SNTG2: variants seen among roughly 807,000 people sequenced by gnomAD.
SNTG2 encodes syntrophin gamma 2, also known as gamma-2-syntrophin.
A neutral mutation model predicts 70.9 loss-of-function variants in SNTG2; 74 were observed. That is an observed-to-expected ratio of 1.04 (90% CI 0.86 to 1.27). The LOEUF is 1.27. Among genes scored for constraint, SNTG2 ranks in the 50% most tolerant of loss-of-function variants. The probability of loss-of-function intolerance (pLI) is 0.00; values close to 1 mark genes in which losing one functional copy is unlikely to be tolerated. For synonymous variants in SNTG2, 278 were observed against 273.8 expected, an observed-to-expected ratio of 1.02 and a Z score of -0.15; for missense variants, 717 against 690.7, an observed-to-expected ratio of 1.04 and a Z score of -0.43.
chr2:1,127,468 TTTTC>T (rs1254890370), intron 4 of SNTG2, among the ~76,000 whole-genome samples: 1 of 152,176 alleles, frequency 6.6e-6, no homozygotes, highest in Non-Finnish European at 1.5e-5. Context: ...AATTTTACAA[TTTTC>T]TTTTTTATTT....
chr2:1,078,357 G>A (rs957752487), intron 1 of SNTG2, among the ~76,000 whole-genome samples: 2 of 152,184 alleles, frequency 1.3e-5, no homozygotes, highest in Admixed American at 1.3e-4. Context: ...GCGGAGTTCC[G>A]ATTTTAACTG....
intron 16 of SNTG2, among the ~76,000 whole-genome samples, chr2:1,361,309 A>G (rs1265378393): frequency 2.2e-4 from 33 of 151,984 alleles, no homozygotes; most frequent in Admixed American, 2.2e-3. Flanking sequence ...CGAAATTCTC[A>G]TGGAATTTAA....
intron 1 of SNTG2, among the ~76,000 whole-genome samples, chr2:963,809 G>A (rs1165527433): frequency 2.6e-5 from 4 of 152,124 alleles, no homozygotes; most frequent in South Asian, 4.1e-4. Flanking sequence ...ATCTCCACTC[G>A]GTACTAAGTA....
chr2:1,152,841 A>G (rs2147812223), intron 6 of SNTG2, among the ~76,000 whole-genome samples: 1 of 152,320 alleles, frequency 6.6e-6, no homozygotes, highest in East Asian at 1.9e-4. Flanking sequence ...TGCCTTCACA[A>G]GGCCAGGCAT....
At chr2:1,364,675 G>A (rs1385898971) in intron 16 of SNTG2, among the ~76,000 whole-genome samples, 4 of 149,226 alleles carry the variant, frequency 2.7e-5, no homozygotes, top group African/African-American at 9.9e-5. Flanking sequence ...GGCGGATCAC[G>A]AGGTCAGGAG....
intron 11 of SNTG2, among the ~76,000 whole-genome samples, chr2:1,245,045 C>T (rs1161884573): frequency 6.8e-6 from 1 of 146,266 alleles, no homozygotes; most frequent in Non-Finnish European, 1.5e-5. Context: ...ACCGCATGTT[C>T]TCACTCATAG....
chr2:962,548 C>A (rs1660386786), intron 1 of SNTG2, among the ~76,000 whole-genome samples: 1 of 152,118 alleles, frequency 6.6e-6, no homozygotes, highest in African/African-American at 2.4e-5. Flanking sequence ...CTCTGCAATG[C>A]AGAAAAATAA....
chr2:1,361,837 G>C (rs10200213), intron 16 of SNTG2, among the ~76,000 whole-genome samples: 3,224 of 50,468 alleles, frequency 0.064, no homozygotes, highest in East Asian at 0.13. Flanking sequence ...TGAAAGTCAC[G>C]GATGCTGAGC....
intron 1 of SNTG2, among the ~76,000 whole-genome samples, chr2:956,629 T>C (rs1347194158): frequency 5.9e-5 from 9 of 152,202 alleles, no homozygotes; most frequent in Admixed American, 5.9e-4. Flanking sequence ...GTCGGGCGTC[T>C]AGGAGGGAAG....
At position 1,006,283 on chromosome 2, in the gene SNTG2, C is replaced by A. The variant is rs529824971; in HGVS notation, c.72+55215C>A. On this transcript the variant is annotated intron_variant, in intron 1 of 16. Transcript: ENST00000308624. ...ATATGTAACTAACCTGCACAATGTG[C>A]ACATGTACCTTAAAACTTAAGGTAT... Among the ~76,000 whole-genome samples, 3 of 150,432 alleles carry A rather than the reference C, an allele frequency of 2.0e-5. No individual in the cohort carries two copies. In the South Asian group the frequency reaches 6.4e-4, roughly 32 times the overall value.
chr2:1,197,945 A>G (rs1673030578), intron 8 of SNTG2, among the ~76,000 whole-genome samples: 1 of 101,016 alleles, frequency 9.9e-6, no homozygotes, highest in Non-Finnish European at 1.8e-5. Flanking sequence ...TAGACAGATT[A>G]TCTAAAAGAA....
At chr2:1,264,996 AG>A (rs1359596213) in intron 13 of SNTG2, among the ~76,000 whole-genome samples, 3 of 152,232 alleles carry the variant, frequency 2.0e-5, no homozygotes, top group Non-Finnish European at 4.4e-5. Context: ...GGGAGTCAAA[AG>A]TTATGCATGA....
chr2:1,215,661 C>A (rs944452693), intron 9 of SNTG2, among the ~76,000 whole-genome samples: 6 of 151,628 alleles, frequency 4.0e-5, no homozygotes, highest in African/African-American at 1.5e-4. Flanking sequence ...CCAATTAACT[C>A]ATCATTTACA....
At chr2:1,192,789 C>T (rs1019894378) in intron 8 of SNTG2, among the ~76,000 whole-genome samples, 1 of 152,180 alleles carries the variant, frequency 6.6e-6, no homozygotes, top group East Asian at 1.9e-4. Flanking sequence ...AATTGCATTT[C>T]ATGGAGCAGA....
intron 12 of SNTG2, among the ~76,000 whole-genome samples, chr2:1,248,180 A>C (rs1677547669): frequency 6.6e-6 from 1 of 152,222 alleles, no homozygotes. Flanking sequence ...AGACATCAAG[A>C]CAGTAATACC....
intron 8 of SNTG2, 44 bp downstream of exon 8, chr2:1,173,227 T>C (rs749235489): frequency 6.6e-7 from 1 of 1,518,942 alleles, no homozygotes; most frequent in Non-Finnish European, 9.1e-7. Flanking sequence ...AACAGAAATA[T>C]CAGTAGCCCA....
chr2:1,078,598 C>T (rs1393273023), intron 1 of SNTG2, among the ~76,000 whole-genome samples: 8 of 152,246 alleles, frequency 5.3e-5, no homozygotes, highest in South Asian at 4.2e-4. Flanking sequence ...AGGGCATCAC[C>T]GGACACTGGC....
rs1377748940 is a variant in SNTG2, at chr2:1,006,136, G to A, written c.72+55068G>A. 8.4e-5 allele frequency among the ~76,000 whole-genome samples: 12 copies of A among 142,510 alleles called. No individual in the cohort carries two copies. The East Asian group carries it at 2.4e-3, about 28-fold the overall frequency. The allele number at this position is 142,510 out of a possible 152,430, so 93.5% of individuals were successfully genotyped here. On this transcript the variant is annotated intron_variant, in intron 1 of 16. Transcript: ENST00000308624. Reference sequence around the variant, plus strand: ...TGAACAATGAGATCACATGGACACAGGAAGGGGAATATCACACTCTGGGGA... The same window carrying A: ...TGAACAATGAGATCACATGGACACAAGAAGGGGAATATCACACTCTGGGGA...
chr2:1,297,638 A>G (rs749544223), intron 14 of SNTG2, among the ~76,000 whole-genome samples: 1 of 152,088 alleles, frequency 6.6e-6, no homozygotes, highest in African/African-American at 2.4e-5. Flanking sequence ...AGCCTGGCGC[A>G]TCCGCAGTTC....
Sources: gnomAD v4.1 joint callset for allele counts (sites outside exome capture counted in the v4.1 genomes callset) on GRCh38, gnomAD v4.1.1 for gene constraint, MANE v1.5 for transcripts, NCBI Gene and HGNC (gene_info 2026-07-23, HGNC 2026-07-21) for gene names.